Variants in MYRFL observed in about 807,000 individuals in gnomAD.
MYRFL encodes myelin regulatory factor like.
MYRFL carries 88 observed loss-of-function variants against 109.4 expected under a neutral mutation model. The observed-to-expected ratio is 0.80, with a 90% CI of 0.68 to 0.96. The LOEUF (loss-of-function observed/expected upper bound fraction) is 0.96, where lower values mean the gene tolerates loss of function less well. MYRFL is among the 40% of genes least tolerant of loss of function. The pLI, the probability that MYRFL is intolerant of heterozygous loss-of-function variation, is 0.00. For synonymous variants in MYRFL, 324 were observed against 320.9 expected (o/e 1.01, Z -0.10); for missense variants, 957 against 954.9 (o/e 1.00, Z -0.03).
intron 2 of MYRFL, among the ~76,000 whole-genome samples, chr12:69,867,509 CTG>C (rs1164595370): frequency 6.6e-6 from 1 of 152,114 alleles, no homozygotes; most frequent in Non-Finnish European, 1.5e-5. Context: ...GCTGAGGACA[CTG>C]GTGTTTGAAT....
chr12:69,847,925 T>A (rs1030085263), intron 1 of MYRFL, among the ~76,000 whole-genome samples: 2 of 152,196 alleles, frequency 1.3e-5, no homozygotes, highest in African/African-American at 4.8e-5. Flanking sequence ...GGTATTCTTA[T>A]TATGGTTTAA....
intron 2 of MYRFL, among the ~76,000 whole-genome samples, chr12:69,876,321 A>C (rs547910920): frequency 4.3e-4 from 66 of 152,250 alleles, no homozygotes; most frequent in Middle Eastern, 3.4e-3. Context: ...TGCCCACCAC[A>C]ATCTCCTTGC....
In MYRFL at chr12:69,926,932, G is replaced by GTTTTTTTTTTTTTTTTTTTT. The variant is rs1336716063; in HGVS notation, c.1766+198_1766+199insTTTTTTTTTTTTTTTTTTTT. Among the ~76,000 whole-genome samples the GTTTTTTTTTTTTTTTTTTTT allele has an allele frequency of 7.0e-4, 54 of 76,872 alleles. 22 individuals are homozygous for GTTTTTTTTTTTTTTTTTTTT. Among genetic ancestry groups the GTTTTTTTTTTTTTTTTTTTT allele is most frequent in the Non-Finnish European group, 1.1e-3 (43 of 39,082 alleles). The allele number at this position is 76,872 out of a possible 152,430, so 50.4% of individuals were successfully genotyped here. A position where few individuals can be genotyped will look rare whatever the true frequency, so the allele number is the denominator to read the frequency against. ...ACTTTCTTAGTTTTTTTCTGTTGCT[G>GTTTTTTTTTTTTTTTTTTTT]GTTTTTTTTTTTTTTTTTTTTTTTT... On this transcript the variant is annotated intron_variant, in intron 14 of 24. Coordinates refer to ENST00000552032, the MANE Select transcript of MYRFL (RefSeq NM_182530.3).
chr12:69,911,051 C>T (rs995068097), intron 13 of MYRFL, 121 bp downstream of exon 13: 1 of 603,470 alleles, frequency 1.7e-6, no homozygotes, highest in Non-Finnish European at 2.8e-6. Context: ...TAATTCTTCA[C>T]TGAGTTGTGG....
chr12:69,828,107 TAA>T (rs2136312134), intron 1 of MYRFL, among the ~76,000 whole-genome samples: 1 of 152,228 alleles, frequency 6.6e-6, no homozygotes, highest in South Asian at 2.1e-4. Flanking sequence ...AGAAAAATTG[TAA>T]AAGATTTTGA....
chr12:69,926,123 T>C (rs868459279), intron 13 of MYRFL, among the ~76,000 whole-genome samples: 31,759 of 102,360 alleles, frequency 0.31, 3,019 homozygotes, highest in East Asian at 0.57. Context: ...TCTTCTTTTT[T>C]TTTTTTTTTT....
At chr12:69,861,076 C>G (rs1270632214) in intron 2 of MYRFL, among the ~76,000 whole-genome samples, 1 of 150,012 alleles carries the variant, frequency 6.7e-6, no homozygotes, top group Non-Finnish European at 1.5e-5. Context: ...AGGACATGAA[C>G]TCATCATTTT....
At chr12:69,926,756 A>G (rs1955098493) in intron 14 of MYRFL, 22 bp downstream of exon 14, 2 of 1,402,498 alleles carry the variant, frequency 1.4e-6, no homozygotes, top group Non-Finnish European at 1.9e-6. Flanking sequence ...CAGGATTGCC[A>G]TAGAAATTTG....
chr12:69,894,765 C>T (rs556118215), intron 8 of MYRFL, among the ~76,000 whole-genome samples: 3 of 152,342 alleles, frequency 2.0e-5, no homozygotes, highest in African/African-American at 7.2e-5. Context: ...GCAGTGGAGA[C>T]ATCTCAGGGT....
At chr12:69,829,809 A>G (rs142900385) in intron 1 of MYRFL, among the ~76,000 whole-genome samples, 4 of 152,276 alleles carry the variant, frequency 2.6e-5, no homozygotes, top group African/African-American at 7.2e-5. Context: ...AAATGTGAAA[A>G]CAACTTTGAT....
intron 5 of MYRFL, 28 bp downstream of exon 5, chr12:69,880,320 C>T (rs746130316): frequency 8.6e-6 from 6 of 700,198 alleles, no homozygotes; most frequent in Admixed American, 4.1e-5. Context: ...GGAACAAGGG[C>T]GATGCCATCA....
chr12:69,924,856 A>G (rs780611319), intron 13 of MYRFL, among the ~76,000 whole-genome samples: 10 of 152,204 alleles, frequency 6.6e-5, no homozygotes, highest in Non-Finnish European at 1.3e-4. Context: ...GTCATTTTAC[A>G]TCCCAAATAC....
At chr12:69,852,579 A>ATTTTTTTTTTTTTTTTTTTTTTTGTTTT (rs61145700) in intron 1 of MYRFL, among the ~76,000 whole-genome samples, 1 of 112,212 alleles carries the variant, frequency 8.9e-6, no homozygotes, top group Non-Finnish European at 1.8e-5. Flanking sequence ...TTAATTTTTA[A>ATTTTTTTTTTTTTTTTTTTTTTTGTTTT]TTTTTTTTTT....
intron 19 of MYRFL, among the ~76,000 whole-genome samples, chr12:69,947,800 T>C (rs1592894084): frequency 6.6e-6 from 1 of 152,260 alleles, no homozygotes; most frequent in East Asian, 1.9e-4. Context: ...GGCTTCTTCA[T>C]AGTGCATGAG....
chr12:69,924,479 C>T (rs894844109), intron 13 of MYRFL, among the ~76,000 whole-genome samples: 3 of 152,154 alleles, frequency 2.0e-5, no homozygotes, highest in African/African-American at 7.2e-5. Flanking sequence ...TACTGCTATG[C>T]AAATGTACCA....
intron 13 of MYRFL, among the ~76,000 whole-genome samples, chr12:69,925,586 T>C (rs971814974): frequency 6.6e-6 from 1 of 152,024 alleles, no homozygotes; most frequent in African/African-American, 2.4e-5. Flanking sequence ...GGAGAGGTCA[T>C]GGGGTTGGAA....
At chr12:69,860,024 G>A (rs66994330) in intron 2 of MYRFL, among the ~76,000 whole-genome samples, 13,631 of 152,030 alleles carry the variant, frequency 0.09, 1,062 homozygotes, top group East Asian at 0.4. Context: ...GTGGTTTGCT[G>A]CAAGGATCAT....
Position 69,893,845 on chromosome 12 carries a change from G to C in MYRFL, c.980+5G>C, listed in dbSNP as rs537850099. On this transcript the variant is annotated splice_donor_5th_base_variant and intron_variant, in intron 8 of 24. Coordinates refer to ENST00000552032, the MANE Select transcript of MYRFL (RefSeq NM_182530.3). ...AAAGATTTTCAATCCTGTTAAGTAA[G>C]AATTTATTTTCTGAATTCCTTTGTG... is the stretch of plus-strand genomic sequence containing the variant. 8.3e-6 allele frequency: 11 copies of C among 1,330,850 alleles called. No homozygotes were observed. In the East Asian group the frequency reaches 1.2e-4, roughly 15 times the overall value. The allele number at this position is 1,330,850 out of a possible 1,614,324, so 82.4% of individuals were successfully genotyped here.
chr12:69,886,834 C>T lies in MYRFL; in HGVS notation c.571C>T (p.Arg191Cys), dbSNP rs1388582873. The change falls in exon 6 of 25, where the codon CGC becomes TGC. Residue 191 changes from arginine (R) to cysteine (C), a missense_variant. Arg to Cys is a radical substitution (Grantham distance 180, BLOSUM62 -3). Coordinates refer to ENST00000552032, the MANE Select transcript of MYRFL (RefSeq NM_182530.3). The part of the protein sequence containing the change: ...CHCRPMTSRS[R>C]SSEVQDPDSE... ...TTTCTTTGCAGTGACAAGTAGGAGT[C>T]GCAGCAGTGAAGTCCAGGACCCTGA... The T allele has an allele frequency of 2.5e-5, 39 of 1,535,698 alleles. No individual in the cohort carries two copies. The highest frequency in any genetic ancestry group is 5.5e-5 in the African/African-American group (4 of 73,006).
Sources: gnomAD v4.1 joint callset for allele counts (sites outside exome capture counted in the v4.1 genomes callset) on GRCh38, gnomAD v4.1.1 for gene constraint, MANE v1.5 for transcripts, NCBI Gene and HGNC (gene_info 2026-07-23, HGNC 2026-07-21) for gene names.